Variants in CYP2C19 observed in about 807,000 individuals in gnomAD.
The protein encoded by CYP2C19 is cytochrome P450 2C19.
In CYP2C19, 59 loss-of-function variants were observed where a neutral mutation model predicts 40.9. The observed-to-expected ratio is 1.44, with a 90% CI of 1.17 to 1.79. CYP2C19 has a LOEUF of 1.79. Among genes scored for constraint, CYP2C19 ranks in the 40% most tolerant of loss-of-function variants. CYP2C19 has a pLI of 0.00. For synonymous variants in CYP2C19, 253 were observed against 208.7 expected, an observed-to-expected ratio of 1.21 and a Z score of -1.83; for missense variants, 754 against 596.9, an observed-to-expected ratio of 1.26 and a Z score of -2.74.
intron 5 of CYP2C19, among the ~76,000 whole-genome samples, chr10:94,783,990 C>T (rs996341412): frequency 3.3e-5 from 5 of 152,128 alleles, no homozygotes; most frequent in Non-Finnish European, 7.4e-5. Context: ...GTTGTGCAAC[C>T]ATCAGCTTTC....
At chr10:94,773,094 A>T (rs1848358813) in intron 1 of CYP2C19, among the ~76,000 whole-genome samples, 1 of 152,168 alleles carries the variant, frequency 6.6e-6, no homozygotes, top group South Asian at 2.1e-4. Flanking sequence ...GGTCACTTTT[A>T]ACTGGCTGAC....
chr10:94,779,387 A>G (rs17878673), intron 3 of CYP2C19, among the ~76,000 whole-genome samples: 11,086 of 152,202 alleles, frequency 0.073, 469 homozygotes, highest in South Asian at 0.12. Context: ...TAATTTATTT[A>G]GCTATTAAAT....
Position 94,852,968 on chromosome 10 carries a change from C to T in CYP2C19, c.*54C>T. ...TGCTGTCCCTGCAGCTCTCTTTCCTCTGGTCCAAATTTCACTATCTGTGAT... is the reference window on the plus strand; with the variant it reads ...TGCTGTCCCTGCAGCTCTCTTTCCTTTGGTCCAAATTTCACTATCTGTGAT... On this transcript the variant is annotated 3_prime_UTR_variant, in exon 9 of 9. Transcript: ENST00000371321. 1 of 1,582,826 alleles carries T rather than the reference C, an allele frequency of 6.3e-7. No homozygotes were observed. Among genetic ancestry groups the T allele is most frequent in the Non-Finnish European group, 8.6e-7 (1 of 1,156,772 alleles).
intron 6 of CYP2C19, among the ~76,000 whole-genome samples, chr10:94,837,498 T>G (rs1849423019): frequency 6.6e-6 from 1 of 152,096 alleles, no homozygotes; most frequent in African/African-American, 2.4e-5. Context: ...TGGCCCCTGG[T>G]TTTGCTAGAA....
At chr10:94,825,858 T>C (rs1289937898) in intron 6 of CYP2C19, among the ~76,000 whole-genome samples, 1 of 150,618 alleles carries the variant, frequency 6.6e-6, no homozygotes, top group African/African-American at 2.4e-5. Context: ...AGGGATCCAG[T>C]TTCAGCTTTC....
chr10:94,801,754 G>A (rs1424071820), intron 5 of CYP2C19, among the ~76,000 whole-genome samples: 1 of 152,108 alleles, frequency 6.6e-6, no homozygotes, highest in Non-Finnish European at 1.5e-5. Flanking sequence ...TAAGAACTTG[G>A]TTTATGAATC....
intron 3 of CYP2C19, 53 bp downstream of exon 3, chr10:94,775,592 C>T: frequency 6.2e-7 from 1 of 1,613,390 alleles, no homozygotes; most frequent in Non-Finnish European, 8.5e-7. Flanking sequence ...CTCCTCTCTA[C>T]TGACATTCTT....
At chr10:94,801,870 C>T (rs1848769933) in intron 5 of CYP2C19, among the ~76,000 whole-genome samples, 1 of 152,118 alleles carries the variant, frequency 6.6e-6, no homozygotes, top group African/African-American at 2.4e-5. Flanking sequence ...TTGTTGACTT[C>T]AGAAATGAAG....
intron 6 of CYP2C19, among the ~76,000 whole-genome samples, chr10:94,827,414 T>C (rs577814512): frequency 6.6e-6 from 1 of 152,138 alleles, no homozygotes; most frequent in East Asian, 1.9e-4. Context: ...TCGAGGAATG[T>C]ATCCATTTCT....
chr10:94,784,933 A>G (rs1848522230), intron 5 of CYP2C19, among the ~76,000 whole-genome samples: 1 of 151,892 alleles, frequency 6.6e-6, no homozygotes, highest in Non-Finnish European at 1.5e-5. Flanking sequence ...GTGATTTTGA[A>G]CTTCTTTTAA....
chr10:94,827,774 C>A (rs150096398), intron 6 of CYP2C19, among the ~76,000 whole-genome samples: 1 of 152,204 alleles, frequency 6.6e-6, no homozygotes, highest in African/African-American at 2.4e-5. Flanking sequence ...TATTTTGGAT[C>A]TTTCCTGCCT....
At chr10:94,808,795 C>T (rs564900647) in intron 5 of CYP2C19, among the ~76,000 whole-genome samples, 21 of 152,160 alleles carry the variant, frequency 1.4e-4, no homozygotes, top group African/African-American at 2.6e-4. Context: ...TATAGTACTC[C>T]GTTGTGTATA....
intron 5 of CYP2C19, among the ~76,000 whole-genome samples, chr10:94,807,133 T>G (rs938802659): frequency 5.9e-5 from 9 of 152,152 alleles, no homozygotes; most frequent in Non-Finnish European, 1.2e-4. Flanking sequence ...AATAAGAACA[T>G]GCGTTATTTA....
chr10:94,820,821 A>T (rs1462686598), intron 6 of CYP2C19, among the ~76,000 whole-genome samples, 184 bp downstream of exon 6: 1 of 152,322 alleles, frequency 6.6e-6, no homozygotes, highest in East Asian at 1.9e-4. Flanking sequence ...GCAGTGGCTC[A>T]TGATTGTAAT....
At chr10:94,808,944 A>T (rs1304020238) in intron 5 of CYP2C19, among the ~76,000 whole-genome samples, 2 of 152,160 alleles carry the variant, frequency 1.3e-5, no homozygotes, top group Non-Finnish European at 2.9e-5. Context: ...TCTTTTGGAT[A>T]TACCTAGCAG....
At chr10:94,840,194 A>T (rs1849470692) in intron 6 of CYP2C19, among the ~76,000 whole-genome samples, 1 of 151,892 alleles carries the variant, frequency 6.6e-6, no homozygotes, top group Non-Finnish European at 1.5e-5. Flanking sequence ...TACAGGTTTT[A>T]AATTTACCCT....
chr10:94,849,796 T>C (rs1849624670), intron 7 of CYP2C19, 121 bp from the exon 8 acceptor site: 2 of 1,222,848 alleles, frequency 1.6e-6, no homozygotes, highest in Admixed American at 1.7e-5. Context: ...ATGGTACTGC[T>C]CTTCTTTGGA....
At chr10:94,830,996 C>T (rs1391956534) in intron 6 of CYP2C19, among the ~76,000 whole-genome samples, 1 of 152,138 alleles carries the variant, frequency 6.6e-6, no homozygotes, top group South Asian at 2.1e-4. Context: ...AATAGTAGGT[C>T]TTATTCATCC....
At chr10:94,770,660 G>T (rs1848316325) in intron 1 of CYP2C19, among the ~76,000 whole-genome samples, 1 of 152,158 alleles carries the variant, frequency 6.6e-6, no homozygotes, top group Non-Finnish European at 1.5e-5. Context: ...AGTCAGTTGG[G>T]TGACAGGGGA....
Sources: allele counts gnomAD v4.1 joint callset (sites outside exome capture counted in the v4.1 genomes callset), GRCh38; gene constraint gnomAD v4.1.1; transcripts MANE v1.5; gene names NCBI Gene and HGNC (gene_info 2026-07-23, HGNC 2026-07-21).